Variants in DLG1 observed in about 807,000 individuals in gnomAD.
The protein encoded by DLG1 is discs large MAGUK scaffold protein 1.
Under a neutral mutation model 123.4 loss-of-function variants are expected in DLG1, and 42 were observed. The observed-to-expected ratio is 0.34, with a 90% CI of 0.27 to 0.44. The LOEUF is 0.44. Among genes scored for constraint, DLG1 ranks in the 20% least tolerant of loss-of-function variants. The pLI is 1.00. For synonymous variants in DLG1, 317 were observed against 356.2 expected, an observed-to-expected ratio of 0.89 and a Z score of 1.24; for missense variants, 942 against 1,082.6, an observed-to-expected ratio of 0.87 and a Z score of 1.82.
chr3:197,107,176 C>T (rs956453020), intron 13 of DLG1, among the ~76,000 whole-genome samples: 1 of 152,144 alleles, frequency 6.6e-6, no homozygotes, highest in African/African-American at 2.4e-5. Context: ...TCCAGGTTCA[C>T]CCTTGGAGCA....
At chr3:197,192,480 T>C (rs903929370) in intron 5 of DLG1, among the ~76,000 whole-genome samples, 3 of 151,476 alleles carry the variant, frequency 2.0e-5, no homozygotes, top group Non-Finnish European at 4.4e-5. Context: ...AAAAAAATAA[T>C]AATGATAAAA....
intron 4 of DLG1, among the ~76,000 whole-genome samples, chr3:197,215,427 A>G (rs1220910569): frequency 1.3e-5 from 2 of 152,172 alleles, no homozygotes; most frequent in Non-Finnish European, 2.9e-5. Context: ...GATTTAATAT[A>G]AAACTTTTAG....
chr3:197,200,887 G>A (rs1419862036), intron 4 of DLG1, among the ~76,000 whole-genome samples: 1 of 152,086 alleles, frequency 6.6e-6, no homozygotes, highest in Non-Finnish European at 1.5e-5. Flanking sequence ...TATAGTTAAT[G>A]GGGAAAAGTT....
chr3:197,104,703 C>CAA (rs1185746146), intron 14 of DLG1, among the ~76,000 whole-genome samples, 200 bp downstream of exon 14: 2 of 148,362 alleles, frequency 1.3e-5, no homozygotes, highest in East Asian at 4.0e-4. Context: ...AAACAAAAAC[C>CAA]AAAAAAAACC....
chr3:197,047,441 C>G (rs1724105241), intron 24 of DLG1, among the ~76,000 whole-genome samples: 1 of 152,104 alleles, frequency 6.6e-6, no homozygotes, highest in Non-Finnish European at 1.5e-5. Context: ...GGTTTAAAAA[C>G]CATGACCCTT....
In DLG1 at chr3:197,142,785, A is replaced by C; in HGVS notation, c.538-17T>G. Reference sequence around the variant, plus strand: ...GCCATTAACCTACAGGGGAAAAGAAAAGCAGCTCAGAAACTTCAGAGTGTA... The same window carrying C: ...GCCATTAACCTACAGGGGAAAAGAACAGCAGCTCAGAAACTTCAGAGTGTA... On this transcript the variant is annotated splice_polypyrimidine_tract_variant and intron_variant, in intron 6 of 24. Coordinates refer to ENST00000667157, the MANE Select transcript of DLG1 (RefSeq NM_001366207.1). The C allele has an allele frequency of 6.3e-7, 1 of 1,595,234 alleles. No homozygotes were observed. Among genetic ancestry groups the C allele is most frequent in the Non-Finnish European group, 8.5e-7 (1 of 1,174,446 alleles).
At chr3:197,235,529 G>A (rs754431438) in intron 4 of DLG1, among the ~76,000 whole-genome samples, 3 of 152,186 alleles carry the variant, frequency 2.0e-5, no homozygotes, top group Non-Finnish European at 4.4e-5. Context: ...GTAATCAGTG[G>A]ACACTCCTAG....
intron 6 of DLG1, among the ~76,000 whole-genome samples, chr3:197,143,001 C>T (rs1307285877): frequency 6.6e-6 from 1 of 152,158 alleles, no homozygotes; most frequent in Non-Finnish European, 1.5e-5. Context: ...AGGATAGGTA[C>T]ATTCAGCTTT....
chr3:197,201,294 GA>G (rs201111929), intron 4 of DLG1, among the ~76,000 whole-genome samples: 1,634 of 152,352 alleles, frequency 0.011, 32 homozygotes, highest in African/African-American at 0.037. Context: ...TGAGGCAGGA[GA>G]ATGGTGTGAA....
chr3:197,073,607 A>C (rs944959151), intron 18 of DLG1, among the ~76,000 whole-genome samples: 1 of 152,244 alleles, frequency 6.6e-6, no homozygotes, highest in African/African-American at 2.4e-5. Flanking sequence ...AGGTTTGATA[A>C]GACGATTTCT....
intron 4 of DLG1, among the ~76,000 whole-genome samples, chr3:197,206,386 C>T (rs1728537005): frequency 6.6e-6 from 1 of 152,076 alleles, no homozygotes; most frequent in Non-Finnish European, 1.5e-5. Context: ...TGCAACCTCC[C>T]CTTCCCAGGC....
chr3:197,174,157 C>T (rs1355276546), intron 5 of DLG1, among the ~76,000 whole-genome samples: 1 of 152,158 alleles, frequency 6.6e-6, no homozygotes, highest in Admixed American at 6.5e-5. Context: ...AGCTTGCTGA[C>T]TCCTGCTTTA....
chr3:197,232,720 A>C (rs897777163), intron 4 of DLG1, among the ~76,000 whole-genome samples: 3 of 151,964 alleles, frequency 2.0e-5, no homozygotes, highest in Non-Finnish European at 4.4e-5. Context: ...TGCAACGCAC[A>C]GTTGATCCTA....
At chr3:197,217,940 T>C (rs1734937426) in intron 4 of DLG1, among the ~76,000 whole-genome samples, 1 of 152,240 alleles carries the variant, frequency 6.6e-6, no homozygotes, top group Non-Finnish European at 1.5e-5. Context: ...GTTTATTATA[T>C]GTGAATTATA....
chr3:197,277,112 G>A (rs1420646225), intron 4 of DLG1, among the ~76,000 whole-genome samples: 1 of 151,714 alleles, frequency 6.6e-6, no homozygotes, highest in Non-Finnish European at 1.5e-5. Context: ...GGCTGGTTTC[G>A]AACTTCTGAG....
chr3:197,163,236 G>C (rs577191647), intron 5 of DLG1, among the ~76,000 whole-genome samples: 1 of 152,286 alleles, frequency 6.6e-6, no homozygotes, highest in East Asian at 1.9e-4. Flanking sequence ...GGAGAAACTG[G>C]AACTCTGGTA....
intron 4 of DLG1, among the ~76,000 whole-genome samples, chr3:197,266,238 CAGAGA>C (rs1480604170): frequency 6.6e-6 from 1 of 151,850 alleles, no homozygotes; most frequent in Non-Finnish European, 1.5e-5. Flanking sequence ...AAACACGATC[CAGAGA>C]AGAGAAAAAA....
At chr3:197,295,090 T>C (rs1013929439) in intron 3 of DLG1, among the ~76,000 whole-genome samples, 2 of 152,182 alleles carry the variant, frequency 1.3e-5, no homozygotes, top group Non-Finnish European at 2.9e-5. Context: ...GAAATTCAAA[T>C]GTGTAAAAAA....
intron 4 of DLG1, among the ~76,000 whole-genome samples, chr3:197,265,330 A>T (rs951937915): frequency 2.0e-5 from 3 of 151,454 alleles, no homozygotes; most frequent in Non-Finnish European, 3.0e-5. Flanking sequence ...ATAATGGAAT[A>T]AAAAAAAAGA....
Sources: gnomAD v4.1 joint callset for allele counts (sites outside exome capture counted in the v4.1 genomes callset) on GRCh38, gnomAD v4.1.1 for gene constraint, MANE v1.5 for transcripts, NCBI Gene and HGNC (gene_info 2026-07-23, HGNC 2026-07-21) for gene names.